The following RUNDC3B variants were observed in gnomAD, a reference collection of about 807,000 sequenced individuals.
RUNDC3B encodes RUN domain-containing protein 3B.
A neutral mutation model predicts 58.4 loss-of-function variants in RUNDC3B; 33 were observed. The ratio of observed to expected loss-of-function variants is 0.56; its 90% CI spans 0.43 to 0.75. The LOEUF (loss-of-function observed/expected upper bound fraction) is 0.75. Ranked by LOEUF, RUNDC3B falls within the 30% of genes least tolerant of loss-of-function variation. The pLI is 0.00. For missense variants in RUNDC3B, 501 were observed against 535.7 expected (o/e 0.94, Z 0.64); for synonymous variants, 193 against 195.2 (o/e 0.99, Z 0.10).
chr7:87,660,420 G>A (rs891720233), intron 2 of RUNDC3B, among the ~76,000 whole-genome samples: 1 of 151,972 alleles, frequency 6.6e-6, no homozygotes, highest in Non-Finnish European at 1.5e-5. Flanking sequence ...CCTTTAATGT[G>A]ACACTTAAAG....
chr7:87,778,368 A>G (rs2130883926), intron 8 of RUNDC3B, among the ~76,000 whole-genome samples: 1 of 151,508 alleles, frequency 6.6e-6, no homozygotes, highest in East Asian at 1.9e-4. Flanking sequence ...ACTTGAGTCC[A>G]GGAGGTCAAG....
In RUNDC3B at chr7:87,807,432, A is replaced by C; in HGVS notation, c.1016A>C (p.Asn339Thr). 2 of 1,613,660 alleles carry C rather than the reference A, an allele frequency of 1.2e-6. No homozygotes were observed. The highest frequency in any genetic ancestry group is 4.5e-5 in the East Asian group (2 of 44,870). ...CAAGAGTTAACTGCCCATCTCACCA[A>C]CCAGTGGCCTTCTCCAGGAGCTCTG... ...SRQELTAHLT[N>T]QWPSPGALDV... The change falls in exon 9 of 11, where the codon AAC (asparagine) becomes ACC (threonine). Residue 339 changes from asparagine to threonine, a missense_variant. Coordinates refer to ENST00000394654, the MANE Select transcript of RUNDC3B (RefSeq NM_001134405.2).
chr7:87,738,046 T>C, intron 4 of RUNDC3B, among the ~76,000 whole-genome samples: 1 of 152,116 alleles, frequency 6.6e-6, no homozygotes, highest in Admixed American at 6.5e-5. Context: ...GAATGTATTT[T>C]TTAAACAATG....
At chr7:87,755,951 A>C (rs2130843660) in intron 6 of RUNDC3B, among the ~76,000 whole-genome samples, 1 of 152,222 alleles carries the variant, frequency 6.6e-6, no homozygotes, top group Admixed American at 6.5e-5. Context: ...AAGAGTAAAA[A>C]ATTTAAAAAA....
rs563592996 is a variant in RUNDC3B at position 87,821,813 on chromosome 7, G to C, written c.1225+5551G>C. Among the ~76,000 whole-genome samples the C allele has an allele frequency of 4.8e-3, 736 of 152,264 alleles. 6 individuals carry two copies. The highest frequency in any genetic ancestry group is 0.017 in the African/African-American group (706 of 41,526). The stretch of plus-strand genomic sequence containing the variant: ...GGAAAGGATTCCCTATTTAATAAAT[G>C]GTGCTGGGAAAACTGGCTAGCCATA... On this transcript the variant is annotated intron_variant, in intron 10 of 10. Transcript: ENST00000394654.
intron 4 of RUNDC3B, among the ~76,000 whole-genome samples, chr7:87,722,364 C>G (rs1201863816): frequency 6.6e-6 from 1 of 152,066 alleles, no homozygotes; most frequent in Non-Finnish European, 1.5e-5. Context: ...GCCCCTACCC[C>G]CCAGCCTCTG....
At chr7:87,828,590 T>C (rs1837964056) in intron 10 of RUNDC3B, among the ~76,000 whole-genome samples, 1 of 152,238 alleles carries the variant, frequency 6.6e-6, no homozygotes. Flanking sequence ...GTCCATGGTG[T>C]AGATGTACCA....
intron 6 of RUNDC3B, among the ~76,000 whole-genome samples, chr7:87,769,105 A>G (rs1473417164): frequency 6.6e-6 from 1 of 151,626 alleles, no homozygotes. Flanking sequence ...GGTTCAAATG[A>G]TTCTTATGCC....
At chr7:87,691,716 A>C (rs1356441954) in intron 2 of RUNDC3B, among the ~76,000 whole-genome samples, 1 of 152,102 alleles carries the variant, frequency 6.6e-6, no homozygotes, top group Non-Finnish European at 1.5e-5. Flanking sequence ...ATGTTTCACT[A>C]CCTCATGTTT....
intron 2 of RUNDC3B, chr7:87,659,167 AAAC>A (rs1012448131): frequency 5.1e-5 from 21 of 409,694 alleles, no homozygotes; most frequent in African/African-American, 2.1e-4. Context: ...GTCTCAAAAC[AAAC>A]AACAACAACA....
At chr7:87,727,696 T>C (rs555425579) in intron 4 of RUNDC3B, among the ~76,000 whole-genome samples, 13 of 152,320 alleles carry the variant, frequency 8.5e-5, no homozygotes, top group Admixed American at 7.2e-4. Context: ...TTTTTATTTC[T>C]TAGTTGTGGC....
intron 2 of RUNDC3B, among the ~76,000 whole-genome samples, chr7:87,661,983 T>C (rs1280811522): frequency 6.6e-6 from 1 of 152,162 alleles, no homozygotes; most frequent in Non-Finnish European, 1.5e-5. Flanking sequence ...TACTTTTGAT[T>C]TGCATTTATC....
At chr7:87,785,581 G>C (rs1167456757) in intron 8 of RUNDC3B, among the ~76,000 whole-genome samples, 3 of 152,176 alleles carry the variant, frequency 2.0e-5, no homozygotes, top group African/African-American at 7.2e-5. Context: ...GCTGTGCTCT[G>C]TGCACCCTCT....
At chr7:87,681,457 A>G (rs1233568720) in intron 2 of RUNDC3B, among the ~76,000 whole-genome samples, 1 of 150,830 alleles carries the variant, frequency 6.6e-6, no homozygotes, top group Non-Finnish European at 1.5e-5. Context: ...AAAGCAAGTC[A>G]CAAAAAATTT....
chr7:87,677,660 C>T (rs1435129576), intron 2 of RUNDC3B, among the ~76,000 whole-genome samples: 1 of 152,084 alleles, frequency 6.6e-6, no homozygotes, highest in South Asian at 2.1e-4. Flanking sequence ...CATACACACA[C>T]AAAAATCCAA....
chr7:87,700,713 T>C, intron 3 of RUNDC3B, 159 bp downstream of exon 3: 1 of 640,114 alleles, frequency 1.6e-6, no homozygotes, highest in Non-Finnish European at 2.6e-6. Flanking sequence ...TTGAATTATC[T>C]AAACTAGTGG....
chr7:87,698,758 T>C (rs553381787), intron 2 of RUNDC3B, among the ~76,000 whole-genome samples: 13 of 152,308 alleles, frequency 8.5e-5, no homozygotes, highest in East Asian at 7.7e-4. Flanking sequence ...TCTTACCGCC[T>C]AATATGTGAA....
chr7:87,786,033 G>A (rs1835194909), intron 8 of RUNDC3B, among the ~76,000 whole-genome samples: 1 of 152,066 alleles, frequency 6.6e-6, no homozygotes, highest in Non-Finnish European at 1.5e-5. Flanking sequence ...TTTCAACCTT[G>A]GTGTCTGCAT....
At chr7:87,737,911 A>G (rs980790917) in intron 4 of RUNDC3B, among the ~76,000 whole-genome samples, 1 of 152,170 alleles carries the variant, frequency 6.6e-6, no homozygotes. Context: ...GCACACACAT[A>G]AAAGACCTTT....
Sources: allele counts gnomAD v4.1 joint callset (sites outside exome capture counted in the v4.1 genomes callset), GRCh38; gene constraint gnomAD v4.1.1; transcripts MANE v1.5; gene names NCBI Gene and HGNC (gene_info 2026-07-23, HGNC 2026-07-21).